The following SUCLG2 variants were observed in gnomAD, a reference collection of about 807,000 sequenced individuals.
The protein encoded by SUCLG2 is succinate--CoA ligase [GDP-forming] subunit beta, mitochondrial.
Under a neutral mutation model 47.9 loss-of-function variants are expected in SUCLG2, and 42 were observed. That is an observed-to-expected ratio of 0.88 (90% CI 0.69 to 1.14). SUCLG2 has a LOEUF of 1.14. Among genes scored for constraint, SUCLG2 ranks in the 50% most tolerant of loss-of-function variants. The pLI is 0.00. For synonymous variants in SUCLG2, 195 were observed against 197.3 expected, an observed-to-expected ratio of 0.99 and a Z score of 0.10; for missense variants, 571 against 525.9, an observed-to-expected ratio of 1.09 and a Z score of -0.84.
At chr3:67,375,935 A>G (rs1437791564) in intron 10 of SUCLG2, 76 bp from the exon 11 acceptor site, 2 of 1,552,074 alleles carry the variant, frequency 1.3e-6, no homozygotes, top group Non-Finnish European at 1.7e-6. Context: ...AGGACACACA[A>G]GACTCACCTG....
intron 10 of SUCLG2, among the ~76,000 whole-genome samples, chr3:67,392,198 G>A (rs1280901766): frequency 6.6e-6 from 1 of 151,870 alleles, no homozygotes; most frequent in Middle Eastern, 3.2e-3. Flanking sequence ...TCCTTACTAG[G>A]ACCAGTTTCA....
chr3:67,540,020 T>C lies in SUCLG2; in HGVS notation c.227-10834A>G, dbSNP rs140562555. On this transcript the variant is annotated intron_variant, in intron 2 of 10. Coordinates refer to ENST00000307227, the MANE Select transcript of SUCLG2 (RefSeq NM_003848.4). ...TCAAAAAAAACAGCTCCCGGATTCA[T>C]TGATTTTTTTAAGGGCTTTTCGTGT... Among the ~76,000 whole-genome samples the C allele has an allele frequency of 4.6e-3, 693 of 151,976 alleles. 8 individuals carry two copies. The East Asian group carries it at 0.054, about 12-fold the overall frequency.
intron 2 of SUCLG2, among the ~76,000 whole-genome samples, chr3:67,557,257 A>G (rs1707186454): frequency 6.6e-6 from 1 of 152,224 alleles, no homozygotes; most frequent in Admixed American, 6.5e-5. Context: ...CTAATATCAC[A>G]TATTACATAG....
At chr3:67,617,642 G>C (rs943456968) in intron 1 of SUCLG2, among the ~76,000 whole-genome samples, 17 of 152,162 alleles carry the variant, frequency 1.1e-4, no homozygotes, top group African/African-American at 2.4e-5. Context: ...CCCTGTGGCT[G>C]AGTTCTTAAA....
At chr3:67,568,044 G>A (rs1173463412) in intron 2 of SUCLG2, among the ~76,000 whole-genome samples, 1 of 152,216 alleles carries the variant, frequency 6.6e-6, no homozygotes, top group Non-Finnish European at 1.5e-5. Flanking sequence ...CAAGGGCATC[G>A]TGGTGACCAG....
intron 9 of SUCLG2, among the ~76,000 whole-genome samples, chr3:67,405,109 T>C (rs1702772175): frequency 2.0e-5 from 3 of 152,162 alleles, no homozygotes; most frequent in Admixed American, 1.3e-4. Context: ...TGCTATTTAC[T>C]GTTTTACAAA....
At chr3:67,651,645 GGTT>G (rs1701287398) in intron 1 of SUCLG2, among the ~76,000 whole-genome samples, 1 of 152,164 alleles carries the variant, frequency 6.6e-6, no homozygotes. Flanking sequence ...GGGGCCTCTG[GGTT>G]GTTGTTAAAT....
chr3:67,572,111 T>G (rs966297695), intron 2 of SUCLG2, among the ~76,000 whole-genome samples: 13 of 152,222 alleles, frequency 8.5e-5, no homozygotes, highest in African/African-American at 3.1e-4. Context: ...AATTACAAAT[T>G]GCCCCACATC....
intron 10 of SUCLG2, among the ~76,000 whole-genome samples, chr3:67,393,365 T>C (rs1225802517): frequency 1.3e-5 from 2 of 152,080 alleles, no homozygotes; most frequent in Non-Finnish European, 2.9e-5. Flanking sequence ...CACCAGGAGA[T>C]TATATCCCGC....
intron 9 of SUCLG2, among the ~76,000 whole-genome samples, chr3:67,430,230 A>C (rs978582886): frequency 7.9e-5 from 12 of 152,138 alleles, no homozygotes; most frequent in East Asian, 1.9e-4. Context: ...ATGAAAAGAA[A>C]AGAAATTATA....
intron 1 of SUCLG2, among the ~76,000 whole-genome samples, chr3:67,642,099 T>C (rs6786369): frequency 7.2e-5 from 11 of 152,190 alleles, no homozygotes; most frequent in Admixed American, 2.0e-4. Flanking sequence ...ATAGAGTCTT[T>C]ACAGAGAAAA....
At chr3:67,581,064 T>C (rs1233695509) in intron 2 of SUCLG2, among the ~76,000 whole-genome samples, 1 of 152,236 alleles carries the variant, frequency 6.6e-6, no homozygotes, top group Non-Finnish European at 1.5e-5. Flanking sequence ...TAACTTCTTC[T>C]GAAGAATACT....
At chr3:67,505,046 C>T (rs777736764) in intron 7 of SUCLG2, among the ~76,000 whole-genome samples, 4 of 152,162 alleles carry the variant, frequency 2.6e-5, no homozygotes, top group Non-Finnish European at 5.9e-5. Flanking sequence ...TCCCTTCTTC[C>T]ATTAAGAAAC....
intron 9 of SUCLG2, among the ~76,000 whole-genome samples, chr3:67,458,085 C>CGTCT (rs1415759080): frequency 6.6e-6 from 1 of 152,062 alleles, no homozygotes; most frequent in African/African-American, 2.4e-5. Flanking sequence ...CACATGGAGA[C>CGTCT]AGAGGGGCCT....
At chr3:67,450,404 G>A (rs1382299113) in intron 9 of SUCLG2, among the ~76,000 whole-genome samples, 1 of 152,130 alleles carries the variant, frequency 6.6e-6, no homozygotes, top group African/African-American at 2.4e-5. Context: ...CTGAGCCAAA[G>A]CAAAGTGTTT....
chr3:67,504,257 G>A (rs1470754749), intron 7 of SUCLG2, among the ~76,000 whole-genome samples: 2 of 151,286 alleles, frequency 1.3e-5, no homozygotes, highest in African/African-American at 4.9e-5. Flanking sequence ...GTGGGTAGGG[G>A]GGTTGGGGGA....
intron 1 of SUCLG2, among the ~76,000 whole-genome samples, chr3:67,648,204 G>A (rs1341222713): frequency 6.6e-6 from 1 of 152,162 alleles, no homozygotes. Flanking sequence ...AAAGAACATG[G>A]GAGATCCCAT....
At chr3:67,556,940 T>C (rs1308422698) in intron 2 of SUCLG2, among the ~76,000 whole-genome samples, 5 of 151,734 alleles carry the variant, frequency 3.3e-5, no homozygotes, top group African/African-American at 1.2e-4. Flanking sequence ...ACATGGGGAG[T>C]ATGAGATAAC....
At chr3:67,640,808 G>C (rs1701089314) in intron 1 of SUCLG2, among the ~76,000 whole-genome samples, 1 of 151,954 alleles carries the variant, frequency 6.6e-6, no homozygotes, top group African/African-American at 2.4e-5. Context: ...CATGCTGATT[G>C]TTCTTAAATT....
Sources: gnomAD v4.1 joint callset for allele counts (sites outside exome capture counted in the v4.1 genomes callset) on GRCh38, gnomAD v4.1.1 for gene constraint, MANE v1.5 for transcripts, NCBI Gene and HGNC (gene_info 2026-07-23, HGNC 2026-07-21) for gene names.